RCAN2: variants seen among roughly 807,000 people sequenced by gnomAD.
RCAN2 encodes calcipressin-2.
RCAN2 carries 9 observed loss-of-function variants against 23.6 expected under a neutral mutation model. That is an observed-to-expected ratio of 0.38 (90% CI 0.23 to 0.67). The LOEUF (loss-of-function observed/expected upper bound fraction) is 0.67. Among genes scored for constraint, RCAN2 ranks in the 30% least tolerant of loss-of-function variants. The pLI, the probability that RCAN2 is intolerant of heterozygous loss-of-function variation, is 0.51. For synonymous variants in RCAN2, 109 were observed against 115.7 expected, an observed-to-expected ratio of 0.94 and a Z score of 0.37; for missense variants, 273 against 302.3, an observed-to-expected ratio of 0.90 and a Z score of 0.72.
At chr6:46,230,797 G>C (rs566085331) in intron 4 of RCAN2, among the ~76,000 whole-genome samples, 1 of 152,260 alleles carries the variant, frequency 6.6e-6, no homozygotes, top group East Asian at 1.9e-4. Context: ...AGATGAACCT[G>C]GTACCTCAGT....
intron 2 of RCAN2, among the ~76,000 whole-genome samples, chr6:46,266,924 C>T (rs1047976953): frequency 1.7e-5 from 2 of 120,638 alleles, no homozygotes; most frequent in Non-Finnish European, 1.8e-5. Flanking sequence ...ACACAAAACC[C>T]AGAGACATTC....
chr6:46,286,359 T>A (rs1561843068), intron 2 of RCAN2, among the ~76,000 whole-genome samples: 1 of 152,248 alleles, frequency 6.6e-6, no homozygotes. Flanking sequence ...CTTTGCTTCA[T>A]TAAACTCTTA....
chr6:46,458,363 T>C (rs1229709560), intron 1 of RCAN2, among the ~76,000 whole-genome samples: 2 of 152,168 alleles, frequency 1.3e-5, no homozygotes, highest in East Asian at 3.8e-4. Flanking sequence ...CCAATGAGAG[T>C]TGGTAAGCAG....
chr6:46,353,836 T>C (rs1764741368), intron 2 of RCAN2, among the ~76,000 whole-genome samples: 2 of 152,224 alleles, frequency 1.3e-5, no homozygotes, highest in African/African-American at 2.4e-5. Context: ...GGCAATTTTA[T>C]AAACATAATT....
chr6:46,268,828 T>A (rs941164909), intron 2 of RCAN2, among the ~76,000 whole-genome samples: 1 of 152,204 alleles, frequency 6.6e-6, no homozygotes, highest in Non-Finnish European at 1.5e-5. Context: ...TGTGACTAGA[T>A]GTGTGATTTT....
intron 1 of RCAN2, among the ~76,000 whole-genome samples, chr6:46,464,389 A>C (rs1279839440): frequency 6.6e-6 from 1 of 152,180 alleles, no homozygotes; most frequent in Non-Finnish European, 1.5e-5. Context: ...ATTAAATTTT[A>C]TTATCAGCAT....
At chr6:46,255,730 C>A (rs931858823) in intron 2 of RCAN2, among the ~76,000 whole-genome samples, 1 of 151,922 alleles carries the variant, frequency 6.6e-6, no homozygotes, top group Admixed American at 6.6e-5. Flanking sequence ...GCGTGAGAAA[C>A]AGGAGGAGTG....
chr6:46,306,504 G>A lies in RCAN2; in HGVS notation c.226-57608C>T, dbSNP rs541528166. 2.0e-5 allele frequency among the ~76,000 whole-genome samples: 3 copies of A among 152,304 alleles called. No homozygotes were observed. In the East Asian group the frequency reaches 5.8e-4, roughly 29 times the overall value. On this transcript the variant is annotated intron_variant, in intron 2 of 4. Transcript: ENST00000371374. ...GATATAAGGCAACTTAGAATGGTAAGGAGAGATGAGGAGGGCAGTGATGGT... is the reference window on the plus strand; with the variant it reads ...GATATAAGGCAACTTAGAATGGTAAAGAGAGATGAGGAGGGCAGTGATGGT...
chr6:46,318,779 T>C (rs1763523025), intron 2 of RCAN2, among the ~76,000 whole-genome samples: 1 of 152,182 alleles, frequency 6.6e-6, no homozygotes, highest in Non-Finnish European at 1.5e-5. Context: ...GTGTATAATA[T>C]CCGTATATAC....
chr6:46,224,930 C>G (rs921681296), intron 4 of RCAN2, among the ~76,000 whole-genome samples: 2 of 151,976 alleles, frequency 1.3e-5, no homozygotes, highest in African/African-American at 4.8e-5. Flanking sequence ...ATCCCTCCCC[C>G]CCTTCCCCCA....
intron 2 of RCAN2, among the ~76,000 whole-genome samples, chr6:46,340,136 C>G (rs1321736934): frequency 1.3e-5 from 2 of 152,108 alleles, no homozygotes; most frequent in African/African-American, 4.8e-5. Context: ...CTTTCATGGA[C>G]AGATTATTTC....
intron 4 of RCAN2, among the ~76,000 whole-genome samples, chr6:46,245,327 G>A (rs1766476252): frequency 6.6e-6 from 1 of 152,182 alleles, no homozygotes; most frequent in Non-Finnish European, 1.5e-5. Context: ...ACATGCAACA[G>A]CTGGCAATCT....
At chr6:46,345,026 C>CAT (rs3084643) in intron 2 of RCAN2, among the ~76,000 whole-genome samples, 63,864 of 151,566 alleles carry the variant, frequency 0.42, 14,859 homozygotes, top group East Asian at 0.6. Flanking sequence ...TATACATAAA[C>CAT]ATATTTTAAA....
intron 2 of RCAN2, among the ~76,000 whole-genome samples, chr6:46,255,859 A>G (rs1313320991): frequency 6.6e-6 from 1 of 152,170 alleles, no homozygotes; most frequent in Non-Finnish European, 1.5e-5. Flanking sequence ...GAAGCATAGG[A>G]GGAAGCCAGA....
intron 2 of RCAN2, among the ~76,000 whole-genome samples, chr6:46,314,781 T>C (rs1763380738): frequency 6.6e-6 from 1 of 152,198 alleles, no homozygotes; most frequent in African/African-American, 2.4e-5. Context: ...TTCTGTATTC[T>C]GTGTGGGTGT....
rs997611844 is a variant in RCAN2, at chr6:46,327,331, T to C, written c.226-78435A>G. On this transcript the variant is annotated intron_variant, in intron 2 of 4. Transcript: ENST00000371374. Reference sequence around the variant, plus strand: ...GGAAATTTCTGCTCTGACCTTGAAATACGGGAAAGATACTGGCAGACAGAG... The same window carrying C: ...GGAAATTTCTGCTCTGACCTTGAAACACGGGAAAGATACTGGCAGACAGAG... Among the ~76,000 whole-genome samples the C allele has an allele frequency of 1.7e-4, 25 of 151,194 alleles. 1 individual carries two copies. The highest frequency in any genetic ancestry group is 1.1e-3 in the Admixed American group (16 of 15,236).
At chr6:46,224,768 G>A (rs932989557) in intron 4 of RCAN2, among the ~76,000 whole-genome samples, 1 of 151,644 alleles carries the variant, frequency 6.6e-6, no homozygotes, top group East Asian at 1.9e-4. Flanking sequence ...GGTGCAAATA[G>A]CAAACTTTCA....
At chr6:46,363,207 A>G (rs1041756774) in intron 2 of RCAN2, among the ~76,000 whole-genome samples, 1 of 152,178 alleles carries the variant, frequency 6.6e-6, no homozygotes, top group African/African-American at 2.4e-5. Context: ...AAGAGTATTG[A>G]AGAACACTAC....
chr6:46,291,709 T>G (rs1762567810), intron 2 of RCAN2, among the ~76,000 whole-genome samples: 1 of 151,970 alleles, frequency 6.6e-6, no homozygotes, highest in Non-Finnish European at 1.5e-5. Context: ...TCACAAACAT[T>G]CTGTGATTCT....
Sources: allele counts gnomAD v4.1 joint callset (sites outside exome capture counted in the v4.1 genomes callset), GRCh38; gene constraint gnomAD v4.1.1; transcripts MANE v1.5; gene names NCBI Gene and HGNC (gene_info 2026-07-23, HGNC 2026-07-21).